The following KCNAB1 variants were observed in gnomAD, a reference collection of about 807,000 sequenced individuals.
KCNAB1 encodes voltage-gated potassium channel subunit beta-1.
Under a neutral mutation model 64.6 loss-of-function variants are expected in KCNAB1, and 35 were observed. The ratio of observed to expected loss-of-function variants is 0.54; its 90% CI spans 0.41 to 0.72. The LOEUF (loss-of-function observed/expected upper bound fraction) is 0.72, where lower values mean the gene tolerates loss of function less well. KCNAB1 is among the 30% of genes least tolerant of loss of function. The probability of loss-of-function intolerance (pLI) is 0.00; values close to 1 mark genes in which losing one functional copy is unlikely to be tolerated. For missense variants in KCNAB1, 401 were observed against 512.9 expected, an observed-to-expected ratio of 0.78 and a Z score of 2.11; for synonymous variants, 177 against 183.8, an observed-to-expected ratio of 0.96 and a Z score of 0.30.
At chr3:156,277,542 C>T (rs1316888416) in intron 1 of KCNAB1, among the ~76,000 whole-genome samples, 1 of 152,108 alleles carries the variant, frequency 6.6e-6, no homozygotes, top group Non-Finnish European at 1.5e-5. Context: ...TAGTGTCCTC[C>T]AGGTTCATCT....
At chr3:156,312,426 T>C (rs993306674) in intron 1 of KCNAB1, among the ~76,000 whole-genome samples, 8 of 152,200 alleles carry the variant, frequency 5.3e-5, no homozygotes, top group Admixed American at 6.5e-5. Flanking sequence ...TAAGTATGAA[T>C]GCCCATTGTG....
intron 1 of KCNAB1, among the ~76,000 whole-genome samples, chr3:156,284,822 G>A (rs928684761): frequency 1.3e-5 from 2 of 152,160 alleles, no homozygotes; most frequent in Admixed American, 6.5e-5. Flanking sequence ...ACCCTGCTTC[G>A]GCTCGCGCAC....
At chr3:156,200,112 T>C (rs1249849724) in intron 1 of KCNAB1, among the ~76,000 whole-genome samples, 2 of 152,202 alleles carry the variant, frequency 1.3e-5, no homozygotes, top group Non-Finnish European at 2.9e-5. Context: ...TTGCTGGAGT[T>C]CCACTCCAGA....
At chr3:156,334,703 A>G (rs1723570439) in intron 1 of KCNAB1, among the ~76,000 whole-genome samples, 1 of 152,156 alleles carries the variant, frequency 6.6e-6, no homozygotes, top group African/African-American at 2.4e-5. Context: ...TTTTTCTCAT[A>G]CCAATAGAAA....
intron 1 of KCNAB1, among the ~76,000 whole-genome samples, chr3:156,340,798 G>A (rs190133856): frequency 3.3e-5 from 5 of 152,322 alleles, no homozygotes; most frequent in East Asian, 3.9e-4. Context: ...GGGTGCCTGC[G>A]CAGACTTTTA....
At position 156,189,412 on chromosome 3, in the gene KCNAB1, T is replaced by C. The variant is rs1713413023; in HGVS notation, c.275+68526T>C. Among the ~76,000 whole-genome samples, 3 of 152,188 alleles carry C rather than the reference T, an allele frequency of 2.0e-5. No individual in the cohort carries two copies. In the South Asian group the frequency reaches 6.2e-4, roughly 32 times the overall value. On this transcript the variant is annotated intron_variant, in intron 1 of 13. Coordinates refer to ENST00000490337, the MANE Select transcript of KCNAB1 (RefSeq NM_172160.3). ...TGGCATTGCCAGAAGAAACGATGGATGGTGGGTGAGGAGCTCCGTGTTCCC... is the reference window on the plus strand; with the variant it reads ...TGGCATTGCCAGAAGAAACGATGGACGGTGGGTGAGGAGCTCCGTGTTCCC...
chr3:156,258,360 C>T (rs115300080), intron 1 of KCNAB1, among the ~76,000 whole-genome samples: 268 of 152,352 alleles, frequency 1.8e-3, no homozygotes, highest in African/African-American at 6.1e-3. Context: ...TCCTGCCTAA[C>T]ATAACTACCA....
intron 1 of KCNAB1, among the ~76,000 whole-genome samples, chr3:156,366,211 C>T (rs1036778392): frequency 2.0e-5 from 3 of 152,096 alleles, no homozygotes; most frequent in Non-Finnish European, 4.4e-5. Context: ...ACTGTATGTT[C>T]ACTCCTTCTC....
chr3:156,193,260 A>C (rs990981333), intron 1 of KCNAB1, among the ~76,000 whole-genome samples: 4 of 152,304 alleles, frequency 2.6e-5, no homozygotes, highest in Admixed American at 2.0e-4. Flanking sequence ...ACACAAAAAC[A>C]ATACAAATTC....
At chr3:156,209,479 C>T (rs1714883249) in intron 1 of KCNAB1, among the ~76,000 whole-genome samples, 1 of 152,176 alleles carries the variant, frequency 6.6e-6, no homozygotes, top group Non-Finnish European at 1.5e-5. Flanking sequence ...AGTCTAAAAG[C>T]ATAATGCTTT....
intron 1 of KCNAB1, among the ~76,000 whole-genome samples, chr3:156,367,097 A>T (rs1190432341): frequency 6.6e-6 from 1 of 152,156 alleles, no homozygotes; most frequent in African/African-American, 2.4e-5. Context: ...TGTAGTTCAT[A>T]AAAGTCCTTT....
intron 1 of KCNAB1, among the ~76,000 whole-genome samples, chr3:156,322,899 A>G (rs955242735): frequency 6.6e-6 from 1 of 152,108 alleles, no homozygotes; most frequent in African/African-American, 2.4e-5. Flanking sequence ...AAGTCCACAT[A>G]TCTGAGGAGA....
intron 1 of KCNAB1, among the ~76,000 whole-genome samples, chr3:156,299,748 GGACTCT>G: frequency 6.6e-6 from 1 of 152,208 alleles, no homozygotes; most frequent in East Asian, 1.9e-4. Flanking sequence ...CAGCTAGGGA[GGACTCT>G]GAGAGCATTC....
At chr3:156,346,429 GA>G (rs1724485574) in intron 1 of KCNAB1, among the ~76,000 whole-genome samples, 1 of 152,132 alleles carries the variant, frequency 6.6e-6, no homozygotes, top group South Asian at 2.1e-4. Flanking sequence ...AGTCCACAAA[GA>G]AATAAATTAG....
At chr3:156,444,904 C>T (rs1001595086) in intron 2 of KCNAB1, among the ~76,000 whole-genome samples, 5 of 152,222 alleles carry the variant, frequency 3.3e-5, no homozygotes, top group African/African-American at 1.2e-4. Flanking sequence ...TTTACTCCAC[C>T]ACTTACTAGT....
intron 1 of KCNAB1, among the ~76,000 whole-genome samples, chr3:156,359,930 C>T (rs1275767096): frequency 6.6e-6 from 1 of 152,162 alleles, no homozygotes; most frequent in Non-Finnish European, 1.5e-5. Context: ...CTCCCACATA[C>T]TAGTGGACCA....
intron 1 of KCNAB1, among the ~76,000 whole-genome samples, chr3:156,331,886 C>G (rs1723361285): frequency 6.6e-6 from 1 of 152,240 alleles, no homozygotes. Flanking sequence ...TGAAACCTAC[C>G]AGGATGAGCC....
chr3:156,358,941 A>C (rs1445644040), intron 1 of KCNAB1, among the ~76,000 whole-genome samples: 2 of 152,244 alleles, frequency 1.3e-5, no homozygotes, highest in African/African-American at 4.8e-5. Context: ...CTGTATAACT[A>C]CTATATATAA....
intron 1 of KCNAB1, among the ~76,000 whole-genome samples, chr3:156,311,122 G>C (rs2108006564): frequency 6.6e-6 from 1 of 152,292 alleles, no homozygotes; most frequent in Non-Finnish European, 1.5e-5. Context: ...GGTAGGATCA[G>C]GGATGGAAAG....
Sources: allele counts gnomAD v4.1 joint callset (sites outside exome capture counted in the v4.1 genomes callset), GRCh38; gene constraint gnomAD v4.1.1; transcripts MANE v1.5; gene names NCBI Gene and HGNC (gene_info 2026-07-23, HGNC 2026-07-21).